The following DZIP3 variants were observed in gnomAD, a reference collection of about 807,000 sequenced individuals.
DZIP3 encodes DAZ interacting zinc finger protein 3.
In DZIP3, 118 loss-of-function variants were observed where a neutral mutation model predicts 162.0. The observed-to-expected ratio is 0.73, with a 90% confidence interval of 0.63 to 0.85. The LOEUF (loss-of-function observed/expected upper bound fraction) is 0.85. DZIP3 is among the 40% of genes least tolerant of loss of function. The pLI, the probability that DZIP3 is intolerant of heterozygous loss-of-function variation, is 0.00. For synonymous variants in DZIP3, 438 were observed against 458.6 expected (o/e 0.96, Z 0.57); for missense variants, 1,331 against 1,407.0 (o/e 0.95, Z 0.86).
intron 18 of DZIP3, 115 bp from the exon 19 acceptor site, chr3:108,654,030 C>T (rs1374427907): frequency 4.5e-6 from 5 of 1,109,332 alleles, no homozygotes; most frequent in East Asian, 2.5e-5. Context: ...ATCATGAACC[C>T]TTCTAATGCT....
intron 1 of DZIP3, among the ~76,000 whole-genome samples, chr3:108,591,455 G>A (rs549348639): frequency 1.4e-4 from 21 of 152,322 alleles, no homozygotes; most frequent in Admixed American, 6.5e-4. Context: ...AGGGTAATGC[G>A]CAAAGCTGCG....
intron 26 of DZIP3, among the ~76,000 whole-genome samples, chr3:108,680,198 G>A (rs1944255074): frequency 6.6e-6 from 1 of 151,932 alleles, no homozygotes; most frequent in African/African-American, 2.4e-5. Flanking sequence ...ATACTAAATG[G>A]GAAAAAGTTA....
chr3:108,648,005 A>C lies in DZIP3; in HGVS notation c.1855A>C (p.Asn619His). 1 of 1,610,668 alleles carries C rather than the reference A, an allele frequency of 6.2e-7. No individual in the cohort carries two copies. The highest frequency in any genetic ancestry group is 8.5e-7 in the Non-Finnish European group (1 of 1,178,550). Reference sequence around the variant, plus strand: ...ACTAAGTCCACCTCTCATGGAGTACAATATAAATGTGAAATCACACCCTGA... The same window carrying C: ...ACTAAGTCCACCTCTCATGGAGTACCATATAAATGTGAAATCACACCCTGA... ...EELSPPLMEY[N>H]INVKSHPEIQ... The change falls in exon 16 of 33, where the codon AAT (asparagine) becomes CAT (histidine). Residue 619 changes from asparagine to histidine, a missense_variant. Physicochemically the swap from Asn to His is moderately conservative, Grantham distance 68. Transcript: ENST00000361582.
At chr3:108,648,212 T>C in intron 16 of DZIP3, 100 bp downstream of exon 16, 1 of 1,201,122 alleles carries the variant, frequency 8.3e-7, no homozygotes, top group Non-Finnish European at 1.1e-6. Context: ...TTTTAGCTTA[T>C]ATTTTCATAG....
chr3:108,686,550 G>A lies in DZIP3; in HGVS notation c.3115G>A (p.Asp1039Asn). The stretch of plus-strand genomic sequence containing the variant: ...CATCATGAATTGGGAGAGAATTACA[G>A]ACAGGCTGAAAACTGCCTTTCCACA... The part of the protein sequence containing the change: ...PSIMNWERIT[D>N]RLKTAFPQQT... The change falls in exon 28 of 33, where the codon GAC becomes AAC. Residue 1039 changes from aspartate to asparagine, a missense_variant. Asp to Asn is a conservative substitution (Grantham distance 23). Around this residue, in one of 2 missense-constraint regions of DZIP3, gnomAD observed 1,278 missense variants for 1,317.1 expected, o/e 0.97. Transcript: ENST00000361582. 6.2e-7 allele frequency: 1 copy of A among 1,611,094 alleles called. No homozygotes were observed. Among genetic ancestry groups the A allele is most frequent in the Non-Finnish European group, 8.5e-7 (1 of 1,179,098 alleles).
At chr3:108,667,069 C>T (rs1312425724) in intron 21 of DZIP3, among the ~76,000 whole-genome samples, 3 of 151,778 alleles carry the variant, frequency 2.0e-5, no homozygotes, top group African/African-American at 7.3e-5. Flanking sequence ...CCTGTAGTCC[C>T]AGCTACTTGA....
intron 9 of DZIP3, among the ~76,000 whole-genome samples, chr3:108,633,912 C>G (rs746557545): frequency 3.3e-5 from 1 of 30,000 alleles, no homozygotes; most frequent in Non-Finnish European, 9.2e-5. Flanking sequence ...TGATAGATCT[C>G]TCTCTCTGGA....
At chr3:108,628,281 C>T (rs1034055008) in intron 7 of DZIP3, among the ~76,000 whole-genome samples, 3 of 152,158 alleles carry the variant, frequency 2.0e-5, no homozygotes, top group South Asian at 2.1e-4. Flanking sequence ...TCTCCTGTGG[C>T]AAGGAGGAGG....
At position 108,657,722 on chromosome 3, in the gene DZIP3, A is replaced by AGT. The variant is rs1250422737; in HGVS notation, c.2199+3416_2199+3417dup. Among the ~76,000 whole-genome samples, 41 of 152,324 alleles carry AGT rather than the reference A, an allele frequency of 2.7e-4. 1 individual carries two copies. The highest frequency in any genetic ancestry group is 1.2e-4 in the Non-Finnish European group (8 of 68,020). On this transcript the variant is annotated intron_variant, in intron 19 of 32. Transcript: ENST00000361582. ...ATTGGATAAAGAGTCAAGATCCATC[A>AGT]GTGTGCTGTATTCAGGAAACCCATC... is the stretch of plus-strand genomic sequence containing the variant.
At chr3:108,640,680 G>T (rs556626584) in intron 12 of DZIP3, among the ~76,000 whole-genome samples, 2 of 152,130 alleles carry the variant, frequency 1.3e-5, no homozygotes, top group East Asian at 3.9e-4. Context: ...TTCTGACCTC[G>T]TGATCCACCC....
chr3:108,594,007 C>T (rs146639706), intron 1 of DZIP3, among the ~76,000 whole-genome samples: 116 of 152,128 alleles, frequency 7.6e-4, no homozygotes, highest in African/African-American at 2.7e-3. Context: ...TTTATTCTGC[C>T]TTTCCTTAAT....
rs1165377195 is a variant in DZIP3 at position 108,688,723 on chromosome 3, G to C, written c.3401G>C (p.Gly1134Ala). The C allele has an allele frequency of 1.2e-6, 2 of 1,613,908 alleles. No individual in the cohort carries two copies. Among genetic ancestry groups the C allele is most frequent in the East Asian group, 4.5e-5 (2 of 44,876 alleles). ...TCACAGGGTCCTGCCACATGGGAAG[G>C]AGCCAGTAATCCAGTGAGACTGAAA... ...LTSQGPATWE[G>A]ASNPDEEEEE... is the part of the protein sequence containing the mutation. The change falls in exon 30 of 33, where the codon GGA (glycine) becomes GCA (alanine). Residue 1134 changes from glycine (G) to alanine (A), a missense_variant. Gly to Ala is a moderately conservative substitution (Grantham distance 60). Around this residue, in one of 2 missense-constraint regions of DZIP3, gnomAD observed 1,278 missense variants for 1,317.1 expected, o/e 0.97. Transcript: ENST00000361582.
intron 2 of DZIP3, among the ~76,000 whole-genome samples, chr3:108,606,436 G>A (rs1363475414): frequency 6.6e-6 from 1 of 152,162 alleles, no homozygotes; most frequent in Admixed American, 6.5e-5. Context: ...GACAATATTT[G>A]TGTACCTAGA....
chr3:108,671,138 T>C, intron 22 of DZIP3, among the ~76,000 whole-genome samples: 1 of 151,884 alleles, frequency 6.6e-6, no homozygotes, highest in East Asian at 1.9e-4. Flanking sequence ...CGATTTGTAA[T>C]TTTTTTCTTT....
intron 25 of DZIP3, among the ~76,000 whole-genome samples, chr3:108,676,843 A>C (rs898553289): frequency 6.6e-6 from 1 of 152,140 alleles, no homozygotes; most frequent in African/African-American, 2.4e-5. Context: ...TTGTTTTATA[A>C]GACTTTCCTT....
chr3:108,659,966 C>T (rs1943342567), intron 19 of DZIP3, among the ~76,000 whole-genome samples: 1 of 152,132 alleles, frequency 6.6e-6, no homozygotes, highest in East Asian at 1.9e-4. Flanking sequence ...GAACTACAAA[C>T]CACTGCTCAA....
chr3:108,680,346 A>C (rs1944260415), intron 26 of DZIP3, among the ~76,000 whole-genome samples: 1 of 152,104 alleles, frequency 6.6e-6, no homozygotes, highest in East Asian at 1.9e-4. Flanking sequence ...GAAAGAAGGG[A>C]GTCAGACTGT....
At chr3:108,650,197 G>A (rs746739341) in intron 17 of DZIP3, among the ~76,000 whole-genome samples, 1 of 151,822 alleles carries the variant, frequency 6.6e-6, no homozygotes, top group Non-Finnish European at 1.5e-5. Flanking sequence ...TTGGCATAAA[G>A]TTGTCATGGG....
chr3:108,657,336 A>G (rs1259701470), intron 19 of DZIP3, among the ~76,000 whole-genome samples: 1 of 152,196 alleles, frequency 6.6e-6, no homozygotes, highest in Non-Finnish European at 1.5e-5. Flanking sequence ...CCAATATTCA[A>G]CATTCTTAAA....
Sources: allele counts gnomAD v4.1 joint callset (sites outside exome capture counted in the v4.1 genomes callset), GRCh38; gene constraint gnomAD v4.1.1; regional missense constraint gnomAD v4.1.1; transcripts MANE v1.5; gene names NCBI Gene and HGNC (gene_info 2026-07-23, HGNC 2026-07-21).